The following DGKB variants were observed in gnomAD, a reference collection of about 807,000 sequenced individuals.
DGKB encodes 90 kDa diacylglycerol kinase.
A neutral mutation model predicts 114.3 loss-of-function variants in DGKB; 67 were observed. That is an observed-to-expected ratio of 0.59 (90% CI 0.48 to 0.72). The LOEUF (loss-of-function observed/expected upper bound fraction) is 0.72, where lower values mean the gene tolerates loss of function less well. Among genes scored for constraint, DGKB ranks in the 30% least tolerant of loss-of-function variants. The pLI, the probability that DGKB is intolerant of heterozygous loss-of-function variation, is 0.00. For missense variants in DGKB, 907 were observed against 975.2 expected (o/e 0.93, Z 0.93); for synonymous variants, 398 against 323.1 (o/e 1.23, Z -2.49).
At chr7:14,619,334 T>G (rs955720149) in intron 15 of DGKB, among the ~76,000 whole-genome samples, 4 of 151,640 alleles carry the variant, frequency 2.6e-5, no homozygotes, top group African/African-American at 4.8e-5. Context: ...CATCTAAGAT[T>G]TTTAATGTGA....
At chr7:14,351,776 C>T (rs1156483357) in intron 21 of DGKB, among the ~76,000 whole-genome samples, 1 of 152,044 alleles carries the variant, frequency 6.6e-6, no homozygotes, top group Non-Finnish European at 1.5e-5. Context: ...AATTTTGTGG[C>T]AATTACTATT....
intron 23 of DGKB, among the ~76,000 whole-genome samples, chr7:14,245,189 C>T (rs183490292): frequency 6.9e-4 from 105 of 152,050 alleles, no homozygotes; most frequent in Non-Finnish European, 1.2e-3. Flanking sequence ...CACACACGCA[C>T]AAAACACACA....
intron 2 of DGKB, among the ~76,000 whole-genome samples, chr7:14,773,599 C>T (rs1438012773): frequency 6.6e-6 from 1 of 152,010 alleles, no homozygotes; most frequent in African/African-American, 2.4e-5. Flanking sequence ...ACAGTGTAGT[C>T]CCCTTTGTTA....
At chr7:14,961,687 C>T (rs1258990841) in intron 1 of DGKB, among the ~76,000 whole-genome samples, 2 of 152,132 alleles carry the variant, frequency 1.3e-5, no homozygotes, top group South Asian at 4.1e-4. Context: ...TCACACGGAA[C>T]TCTCCTAACC....
At chr7:14,567,722 T>G (rs1033051806) in intron 20 of DGKB, among the ~76,000 whole-genome samples, 1 of 150,026 alleles carries the variant, frequency 6.7e-6, no homozygotes, top group Non-Finnish European at 1.5e-5. Flanking sequence ...TTGTCCTGCC[T>G]CAGCCTCCCA....
chr7:14,887,468 T>C (rs1222235968), intron 1 of DGKB, among the ~76,000 whole-genome samples: 5 of 151,822 alleles, frequency 3.3e-5, no homozygotes, highest in Admixed American at 2.6e-4. Context: ...CTTCTCTGTG[T>C]ACACTCAGTC....
chr7:14,184,950 T>A (rs200515350), intron 23 of DGKB, among the ~76,000 whole-genome samples: 1 of 152,078 alleles, frequency 6.6e-6, no homozygotes, highest in Non-Finnish European at 1.5e-5. Context: ...AAGCATTCCC[T>A]CTGAGAACTG....
rs1382650663 is a variant in DGKB, at chr7:14,715,408, A to C, written c.466+3134T>G. 2.0e-5 allele frequency among the ~76,000 whole-genome samples: 3 copies of C among 152,152 alleles called. No homozygotes were observed. In the East Asian group the frequency reaches 5.8e-4, roughly 29 times the overall value. On this transcript the variant is annotated intron_variant, in intron 6 of 25. Coordinates refer to ENST00000402815, the MANE Select transcript of DGKB (RefSeq NM_001350709.2). ...GACTTTCCCTAAAGTACTATGGAGC[A>C]CTTGAAGTTAGAAGGGCAAATCAGC...
intron 13 of DGKB, among the ~76,000 whole-genome samples, chr7:14,642,660 G>A (rs976407771): frequency 6.6e-6 from 1 of 151,930 alleles, no homozygotes; most frequent in Non-Finnish European, 1.5e-5. Flanking sequence ...AGAAACTCAG[G>A]GAAATTCTGA....
At chr7:14,518,138 A>G (rs949472223) in intron 20 of DGKB, among the ~76,000 whole-genome samples, 1 of 152,188 alleles carries the variant, frequency 6.6e-6, no homozygotes, top group African/African-American at 2.4e-5. Context: ...GCCATAAAAA[A>G]GAATGGGATT....
At chr7:14,941,672 A>C (rs1290462996) in intron 1 of DGKB, among the ~76,000 whole-genome samples, 5 of 152,074 alleles carry the variant, frequency 3.3e-5, no homozygotes, top group Non-Finnish European at 7.4e-5. Context: ...CAATCGATCT[A>C]CTCATTTTGA....
At chr7:14,490,868 A>T (rs187933774) in intron 20 of DGKB, among the ~76,000 whole-genome samples, 1 of 152,234 alleles carries the variant, frequency 6.6e-6, no homozygotes, top group African/African-American at 2.4e-5. Context: ...CAAAATGACA[A>T]AACTTTGTAT....
chr7:14,945,965 C>T (rs1785850119), intron 1 of DGKB, among the ~76,000 whole-genome samples: 1 of 151,486 alleles, frequency 6.6e-6, no homozygotes, highest in African/African-American at 2.4e-5. Context: ...GAGAATATTT[C>T]ATTACTAATA....
In DGKB at chr7:14,267,217, C is replaced by T. The variant is rs182041877; in HGVS notation, c.2122+71298G>A. ...TCTGGGCCAGATCTTAGGAGAGTGGCGGCCTCCACCTCCTATCTCAACACT... is the reference window on the plus strand; with the variant it reads ...TCTGGGCCAGATCTTAGGAGAGTGGTGGCCTCCACCTCCTATCTCAACACT... On this transcript the variant is annotated intron_variant, in intron 23 of 25. Coordinates refer to ENST00000402815, the MANE Select transcript of DGKB (RefSeq NM_001350709.2). Among the ~76,000 whole-genome samples, 32 of 152,220 alleles carry T rather than the reference C, an allele frequency of 2.1e-4. No individual in the cohort carries two copies. In the East Asian group the frequency reaches 3.7e-3, roughly 18 times the overall value.
intron 5 of DGKB, among the ~76,000 whole-genome samples, chr7:14,720,643 C>T (rs1014215651): frequency 6.6e-6 from 1 of 151,704 alleles, no homozygotes; most frequent in African/African-American, 2.4e-5. Flanking sequence ...ATGCCCGGCC[C>T]CTTTCTTTTT....
At chr7:14,805,556 T>C (rs937305177) in intron 2 of DGKB, among the ~76,000 whole-genome samples, 2 of 152,108 alleles carry the variant, frequency 1.3e-5, no homozygotes, top group African/African-American at 4.8e-5. Flanking sequence ...CTTCAGCCTC[T>C]TTTATTTGAA....
intron 5 of DGKB, among the ~76,000 whole-genome samples, chr7:14,729,765 A>G (rs1162376788): frequency 2.6e-5 from 4 of 152,092 alleles, no homozygotes; most frequent in Non-Finnish European, 5.9e-5. Context: ...TACAATATTT[A>G]TTTTATTATA....
intron 23 of DGKB, among the ~76,000 whole-genome samples, chr7:14,276,041 G>A (rs777757685): frequency 1.3e-5 from 2 of 152,090 alleles, no homozygotes; most frequent in Non-Finnish European, 2.9e-5. Context: ...CGTATACAGG[G>A]AATATTTGGG....
intron 20 of DGKB, among the ~76,000 whole-genome samples, chr7:14,570,813 G>A (rs557700797): frequency 2.2e-4 from 33 of 151,974 alleles, no homozygotes; most frequent in African/African-American, 7.5e-4. Context: ...ATTACACTGG[G>A]TATAACTTTT....
Sources: gnomAD v4.1 joint callset for allele counts (sites outside exome capture counted in the v4.1 genomes callset) on GRCh38, gnomAD v4.1.1 for gene constraint, MANE v1.5 for transcripts, NCBI Gene and HGNC (gene_info 2026-07-23, HGNC 2026-07-21) for gene names.